The following RERE variants were observed in gnomAD, a reference collection of about 807,000 sequenced individuals.
The protein encoded by RERE is arginine-glutamic acid dipeptide repeats protein.
Under a neutral mutation model 146.1 loss-of-function variants are expected in RERE, and 40 were observed. The ratio of observed to expected loss-of-function variants is 0.27; its 90% CI spans 0.21 to 0.36. The LOEUF is 0.36. Among genes scored for constraint, RERE ranks in the 10% least tolerant of loss-of-function variants. The pLI, the probability that RERE is intolerant of heterozygous loss-of-function variation, is 1.00. For missense variants in RERE, 1,933 were observed against 2,138.7 expected (o/e 0.90, Z 1.90); for synonymous variants, 1,003 against 866.0 (o/e 1.16, Z -2.78).
chr1:8,369,685 C>T (rs1641956827), intron 12 of RERE, among the ~76,000 whole-genome samples: 1 of 151,964 alleles, frequency 6.6e-6, no homozygotes, highest in Non-Finnish European at 1.5e-5. Flanking sequence ...ATGCTCAAAC[C>T]ACGATATCTA....
chr1:8,782,044 T>C (rs1569785314), intron 1 of RERE, among the ~76,000 whole-genome samples: 1 of 152,164 alleles, frequency 6.6e-6, no homozygotes, highest in Non-Finnish European at 1.5e-5. Context: ...TCTATTCTCC[T>C]TTACAGCAAA....
Position 8,354,537 on chromosome 1 carries a change from C to G in RERE, c.*550G>C, listed in dbSNP as rs1334332085. 1 of 152,168 alleles carries G rather than the reference C, an allele frequency of 6.6e-6. No individual in the cohort carries two copies. Among genetic ancestry groups the G allele is most frequent in the African/African-American group, 2.4e-5 (1 of 41,430 alleles). The allele number at this position is 152,168 out of a possible 1,614,324, so 9.4% of individuals were successfully genotyped here. A position where few individuals can be genotyped will look rare whatever the true frequency, so the allele number is the denominator to read the frequency against. ...GTTTATGGAAGAAAAAAAGGCTGTT[C>G]TAAAATTATTTATTTACAGACGTAA... On this transcript the variant is annotated 3_prime_UTR_variant, in exon 23 of 23. Coordinates refer to ENST00000400908, the MANE Select transcript of RERE (RefSeq NM_001042681.2).
chr1:8,636,035 C>A (rs1647098292), intron 2 of RERE, among the ~76,000 whole-genome samples: 1 of 152,004 alleles, frequency 6.6e-6, no homozygotes, highest in Non-Finnish European at 1.5e-5. Flanking sequence ...GTTGCCCAGG[C>A]TGGAGTGCAA....
At chr1:8,480,450 T>C (rs1283129409) in intron 10 of RERE, among the ~76,000 whole-genome samples, 9 of 150,712 alleles carry the variant, frequency 6.0e-5, no homozygotes, top group African/African-American at 2.2e-4. Flanking sequence ...TTTTTTTTTT[T>C]TTTTAGACGA....
chr1:8,692,825 C>A (rs1455957401), intron 1 of RERE, among the ~76,000 whole-genome samples: 1 of 152,058 alleles, frequency 6.6e-6, no homozygotes, highest in Non-Finnish European at 1.5e-5. Flanking sequence ...TGAACCCTAA[C>A]CTATCACTCT....
chr1:8,459,606 C>T (rs535926363), intron 11 of RERE, among the ~76,000 whole-genome samples: 11 of 152,112 alleles, frequency 7.2e-5, no homozygotes, highest in Non-Finnish European at 1.3e-4. Flanking sequence ...TGTATGCAAA[C>T]CTGTACACAT....
At chr1:8,529,081 TAATAA>T (rs980704871) in intron 7 of RERE, among the ~76,000 whole-genome samples, 48 of 152,114 alleles carry the variant, frequency 3.2e-4, no homozygotes, top group Admixed American at 6.5e-4. Flanking sequence ...GTTTAAAAGG[TAATAA>T]AATAAAATAA....
chr1:8,451,687 T>C (rs1476075571), intron 11 of RERE, among the ~76,000 whole-genome samples: 3 of 152,274 alleles, frequency 2.0e-5, no homozygotes, highest in Non-Finnish European at 4.4e-5. Flanking sequence ...ACTAGGGGCA[T>C]AGTCCTGATC....
In RERE at chr1:8,360,055, A is replaced by C. The variant is rs561287834; in HGVS notation, c.3395+57T>G. The C allele has an allele frequency of 1.1e-4, 179 of 1,584,470 alleles. 1 individual carries two copies. The African/African-American group carries it at 2.3e-3, about 20-fold the overall frequency. The stretch of plus-strand genomic sequence containing the variant: ...CACCCCGGCCCTCCCTCCCACCAGA[A>C]CTTGCCCCCACCAGCCCACCTGTGC... On this transcript the variant is annotated intron_variant, in intron 18 of 22. Coordinates refer to ENST00000400908, the MANE Select transcript of RERE (RefSeq NM_001042681.2).
chr1:8,742,320 G>A, intron 1 of RERE, among the ~76,000 whole-genome samples: 1 of 152,154 alleles, frequency 6.6e-6, no homozygotes, highest in East Asian at 1.9e-4. Context: ...CACTCCCAAA[G>A]GGAATATCTC....
intron 1 of RERE, among the ~76,000 whole-genome samples, chr1:8,734,048 A>G (rs1208418068): frequency 6.6e-6 from 1 of 152,252 alleles, no homozygotes; most frequent in Non-Finnish European, 1.5e-5. Context: ...TGGAGGTTGC[A>G]GTCAGCCGAA....
chr1:8,737,893 T>C (rs1283495938), intron 1 of RERE, among the ~76,000 whole-genome samples: 2 of 152,238 alleles, frequency 1.3e-5, no homozygotes, highest in African/African-American at 4.8e-5. Context: ...AAGTTTTAAA[T>C]CATTTTAGAT....
At chr1:8,441,116 C>T (rs1000918619) in intron 11 of RERE, among the ~76,000 whole-genome samples, 5 of 151,912 alleles carry the variant, frequency 3.3e-5, no homozygotes, top group African/African-American at 1.2e-4. Flanking sequence ...CAATATGCAG[C>T]CCGGTTTCCT....
intron 2 of RERE, among the ~76,000 whole-genome samples, chr1:8,627,608 A>C (rs183700627): frequency 8.2e-4 from 124 of 151,716 alleles, no homozygotes; most frequent in African/African-American, 2.8e-3. Context: ...AAAAAAAAAA[A>C]AAAACCTGAA....
At chr1:8,414,587 T>A (rs1643711086) in intron 12 of RERE, among the ~76,000 whole-genome samples, 1 of 150,918 alleles carries the variant, frequency 6.6e-6, no homozygotes, top group Non-Finnish European at 1.5e-5. Context: ...AATAGTCAAA[T>A]CCTGGGGATT....
chr1:8,804,996 G>GGTT (rs1557553291), intron 1 of RERE, among the ~76,000 whole-genome samples: 31 of 116,338 alleles, frequency 2.7e-4, no homozygotes, highest in African/African-American at 9.5e-4. Flanking sequence ...TTTTTGTTTT[G>GGTT]TTTTGTTTTT....
chr1:8,451,127 T>G (rs534574568), intron 11 of RERE, among the ~76,000 whole-genome samples: 156 of 152,300 alleles, frequency 1.0e-3, no homozygotes, highest in Non-Finnish European at 1.9e-3. Context: ...ATGTCAACAA[T>G]GCAGTCAATA....
intron 8 of RERE, among the ~76,000 whole-genome samples, chr1:8,503,279 T>C (rs1645206256): frequency 6.6e-6 from 1 of 152,284 alleles, no homozygotes; most frequent in South Asian, 2.1e-4. Flanking sequence ...GTTGCTAGTG[T>C]CAACACAAAC....
At chr1:8,670,050 G>C (rs1033584360) in intron 1 of RERE, among the ~76,000 whole-genome samples, 2 of 152,216 alleles carry the variant, frequency 1.3e-5, no homozygotes, top group Middle Eastern at 3.4e-3. Context: ...AGGCAAACTG[G>C]CTCTGACTAA....
Sources: gnomAD v4.1 joint callset for allele counts (sites outside exome capture counted in the v4.1 genomes callset) on GRCh38, gnomAD v4.1.1 for gene constraint, MANE v1.5 for transcripts, NCBI Gene and HGNC (gene_info 2026-07-23, HGNC 2026-07-21) for gene names.